The following CDYL2 variants were observed in gnomAD, a reference collection of about 807,000 sequenced individuals.
The protein encoded by CDYL2 is chromodomain Y-like protein 2.
In CDYL2, 23 loss-of-function variants were observed where a neutral mutation model predicts 49.4. That is an observed-to-expected ratio of 0.47 (90% CI 0.34 to 0.66). The LOEUF is 0.66. CDYL2 is among the 30% of genes least tolerant of loss of function. The probability of loss-of-function intolerance (pLI) is 0.01; values close to 1 mark genes in which losing one functional copy is unlikely to be tolerated. For missense variants in CDYL2, 678 were observed against 656.4 expected (o/e 1.03, Z -0.36); for synonymous variants, 360 against 268.8 (o/e 1.34, Z -3.32).
At chr16:80,733,832 T>C (rs986407140) in intron 1 of CDYL2, among the ~76,000 whole-genome samples, 1 of 152,138 alleles carries the variant, frequency 6.6e-6, no homozygotes, top group Non-Finnish European at 1.5e-5. Flanking sequence ...TCAATCTCCT[T>C]CCTCCAATCT....
chr16:80,763,073 C>T (rs185976218), intron 1 of CDYL2, among the ~76,000 whole-genome samples: 4 of 152,164 alleles, frequency 2.6e-5, no homozygotes, highest in Non-Finnish European at 5.9e-5. Flanking sequence ...GAGGCTGAGG[C>T]GGCAGGATCA....
intron 3 of CDYL2, among the ~76,000 whole-genome samples, chr16:80,621,875 G>T (rs926819815): frequency 1.3e-5 from 2 of 152,260 alleles, no homozygotes; most frequent in South Asian, 2.1e-4. Context: ...GATAGACACA[G>T]GTGCCCTCGG....
intron 1 of CDYL2, among the ~76,000 whole-genome samples, chr16:80,796,683 T>C (rs1012382891): frequency 1.3e-5 from 2 of 152,318 alleles, no homozygotes; most frequent in East Asian, 1.9e-4. Context: ...AGAGAGTGTA[T>C]AGAACTAGAA....
At chr16:80,749,327 C>T (rs1332367023) in intron 1 of CDYL2, among the ~76,000 whole-genome samples, 2 of 152,144 alleles carry the variant, frequency 1.3e-5, no homozygotes, top group Non-Finnish European at 2.9e-5. Flanking sequence ...AGCAGTTGGT[C>T]ACCTGCCTAT....
rs73579950 is a variant in CDYL2, at chr16:80,781,480, C to G, written c.24+22670G>C. ...CCATATTTAACAATAGACAGAACAA[C>G]TAGACAGAACAGTAAGAAAATAGAT... On this transcript the variant is annotated intron_variant, in intron 1 of 6. Transcript: ENST00000570137. Among the ~76,000 whole-genome samples the G allele has an allele frequency of 7.7e-3, 1,175 of 152,112 alleles. 17 individuals are homozygous for G. Among genetic ancestry groups the G allele is most frequent in the African/African-American group, 0.027 (1,117 of 41,516 alleles).
intron 1 of CDYL2, among the ~76,000 whole-genome samples, chr16:80,758,778 C>A (rs571182412): frequency 6.6e-6 from 1 of 151,654 alleles, no homozygotes; most frequent in East Asian, 1.9e-4. Flanking sequence ...TCCTGACCTC[C>A]TGATCCGCCC....
chr16:80,613,824 T>C (rs1375132369), intron 4 of CDYL2, among the ~76,000 whole-genome samples: 2 of 152,338 alleles, frequency 1.3e-5, no homozygotes, highest in Admixed American at 1.3e-4. Flanking sequence ...TTAGAAACTA[T>C]AAGAACTCAC....
intron 1 of CDYL2, among the ~76,000 whole-genome samples, chr16:80,789,978 T>A (rs1441457720): frequency 1.3e-5 from 2 of 152,124 alleles, no homozygotes; most frequent in African/African-American, 4.8e-5. Context: ...ATGGCTACAC[T>A]AGAAACGCAG....
intron 1 of CDYL2, among the ~76,000 whole-genome samples, chr16:80,691,899 G>A (rs1193829576): frequency 6.6e-6 from 1 of 152,092 alleles, no homozygotes; most frequent in African/African-American, 2.4e-5. Flanking sequence ...CGCAAGCAAG[G>A]GAATAAAATT....
intron 1 of CDYL2, among the ~76,000 whole-genome samples, chr16:80,726,456 G>T (rs1905165819): frequency 6.6e-6 from 1 of 152,116 alleles, no homozygotes; most frequent in African/African-American, 2.4e-5. Flanking sequence ...TTTTAAAACT[G>T]AAGTTCTATT....
At chr16:80,803,245 A>G (rs1229275564) in intron 1 of CDYL2, among the ~76,000 whole-genome samples, 2 of 152,150 alleles carry the variant, frequency 1.3e-5, no homozygotes, top group African/African-American at 4.8e-5. Flanking sequence ...AAGATGCCAG[A>G]CTAATGTCTT....
At chr16:80,791,401 C>A (rs990450830) in intron 1 of CDYL2, among the ~76,000 whole-genome samples, 1 of 152,102 alleles carries the variant, frequency 6.6e-6, no homozygotes, top group Non-Finnish European at 1.5e-5. Context: ...CTAGGTGCTA[C>A]AGATGAAACA....
intron 1 of CDYL2, among the ~76,000 whole-genome samples, chr16:80,731,779 T>C (rs1324338116): frequency 6.6e-6 from 1 of 152,092 alleles, no homozygotes; most frequent in Non-Finnish European, 1.5e-5. Context: ...TTTTCAGAAA[T>C]GCGAAATCTC....
chr16:80,689,646 G>C (rs186185746), intron 1 of CDYL2, among the ~76,000 whole-genome samples: 2 of 152,174 alleles, frequency 1.3e-5, no homozygotes, highest in African/African-American at 2.4e-5. Flanking sequence ...CAAGAGGAAC[G>C]GATACTGAGG....
intron 1 of CDYL2, among the ~76,000 whole-genome samples, chr16:80,760,509 G>A (rs979703954): frequency 1.3e-5 from 2 of 152,006 alleles, no homozygotes. Flanking sequence ...TAACACAAAG[G>A]ATAAATGCTT....
At chr16:80,774,006 G>A (rs887094681) in intron 1 of CDYL2, among the ~76,000 whole-genome samples, 1 of 152,100 alleles carries the variant, frequency 6.6e-6, no homozygotes, top group Non-Finnish European at 1.5e-5. Context: ...TGGGAGCTCT[G>A]GGGTGCTGGC....
intron 1 of CDYL2, among the ~76,000 whole-genome samples, chr16:80,710,887 T>C (rs1160577725): frequency 6.6e-6 from 1 of 152,236 alleles, no homozygotes; most frequent in Non-Finnish European, 1.5e-5. Context: ...CCCAGCACAG[T>C]ATTTATTTCG....
intron 1 of CDYL2, among the ~76,000 whole-genome samples, chr16:80,788,440 A>AACAG (rs1291851296): frequency 6.6e-6 from 1 of 152,232 alleles, no homozygotes; most frequent in African/African-American, 2.4e-5. Flanking sequence ...TGAACAATAC[A>AACAG]ACAGACACCT....
At chr16:80,798,427 C>T (rs1409067222) in intron 1 of CDYL2, among the ~76,000 whole-genome samples, 2 of 152,172 alleles carry the variant, frequency 1.3e-5, no homozygotes, top group Non-Finnish European at 2.9e-5. Context: ...CCTCCTCCTC[C>T]TCCTCAGTCT....
Sources: allele counts gnomAD v4.1 joint callset (sites outside exome capture counted in the v4.1 genomes callset), GRCh38; gene constraint gnomAD v4.1.1; transcripts MANE v1.5; gene names NCBI Gene and HGNC (gene_info 2026-07-23, HGNC 2026-07-21).